The following C12orf56 variants were observed in gnomAD, a reference collection of about 807,000 sequenced individuals.
The protein encoded by C12orf56 is uncharacterized protein C12orf56.
In C12orf56, 71 loss-of-function variants were observed where a neutral mutation model predicts 69.9. The observed-to-expected ratio is 1.02, with a 90% CI of 0.84 to 1.24. The LOEUF (loss-of-function observed/expected upper bound fraction) is 1.24, where lower values mean the gene tolerates loss of function less well. Among genes scored for constraint, C12orf56 ranks in the 50% most tolerant of loss-of-function variants. The probability of loss-of-function intolerance (pLI) is 0.00; values close to 1 mark genes in which losing one functional copy is unlikely to be tolerated. For missense variants in C12orf56, 732 were observed against 738.5 expected (o/e 0.99, Z 0.10); for synonymous variants, 276 against 274.1 (o/e 1.01, Z -0.07).
chr12:64,353,713 T>G (rs572893892), intron 1 of C12orf56, among the ~76,000 whole-genome samples: 5 of 152,040 alleles, frequency 3.3e-5, no homozygotes, highest in Admixed American at 2.6e-4. Context: ...ATGGAGTCTC[T>G]CTCTGTCGCC....
At position 64,277,698 on chromosome 12, in the gene C12orf56, T is replaced by G; in HGVS notation, c.1416A>C (p.Arg472Ser). ...IQLVADSALVRMSFDAELQKL... is the reference protein window; with the variant it reads ...IQLVADSALVSMSFDAELQKL... ...ATCTCACCTCAGCGTCAAAAGACAT[T>G]CTGACTAAAGCTGAATCAGCCACCA... Residue 472 changes from arginine to serine, a missense_variant, in exon 9 of 13, where the codon AGA becomes AGC. Physicochemically the swap from Arg to Ser is moderately radical, Grantham distance 110 (BLOSUM62 -1). Coordinates refer to ENST00000543942, the MANE Select transcript of C12orf56 (RefSeq NM_001170633.2). The G allele has an allele frequency of 6.4e-7, 1 of 1,573,238 alleles. No homozygotes were observed. The highest frequency in any genetic ancestry group is 2.3e-5 in the East Asian group (1 of 43,898).
chr12:64,370,699 AG>A (rs2039559156), intron 1 of C12orf56, among the ~76,000 whole-genome samples: 6 of 152,210 alleles, frequency 3.9e-5, no homozygotes, highest in Admixed American at 3.9e-4. Flanking sequence ...AATTGAAAAC[AG>A]AAGAAAAAAA....
chr12:64,323,059 T>C (rs2038792259), intron 3 of C12orf56, among the ~76,000 whole-genome samples: 1 of 152,206 alleles, frequency 6.6e-6, no homozygotes. Context: ...AGTGTGTGAG[T>C]TAGCCTTTGT....
intron 5 of C12orf56, among the ~76,000 whole-genome samples, chr12:64,304,681 T>C (rs1044993984): frequency 3.9e-5 from 6 of 152,182 alleles, no homozygotes; most frequent in Non-Finnish European, 7.3e-5. Flanking sequence ...CTGTGCTCAG[T>C]AATAACAACT....
intron 2 of C12orf56, among the ~76,000 whole-genome samples, chr12:64,336,833 T>A (rs1453339220): frequency 6.6e-6 from 1 of 152,174 alleles, no homozygotes; most frequent in Non-Finnish European, 1.5e-5. Context: ...TGGACCTTCA[T>A]CCTTCCCTTC....
intron 1 of C12orf56, among the ~76,000 whole-genome samples, chr12:64,385,590 G>T (rs1457165555): frequency 6.6e-6 from 1 of 152,090 alleles, no homozygotes; most frequent in Non-Finnish European, 1.5e-5. Context: ...GCACCACCCA[G>T]ATCGATTAAC....
chr12:64,305,146 C>T (rs2038495084), intron 5 of C12orf56, among the ~76,000 whole-genome samples: 1 of 151,920 alleles, frequency 6.6e-6, no homozygotes, highest in African/African-American at 2.4e-5. Flanking sequence ...AAAAAATGGT[C>T]TCTTTTCTAG....
At chr12:64,363,113 C>T (rs185422968) in intron 1 of C12orf56, among the ~76,000 whole-genome samples, 4 of 152,228 alleles carry the variant, frequency 2.6e-5, no homozygotes, top group Admixed American at 1.3e-4. Flanking sequence ...CCCAGTAGGT[C>T]GCAGCCTCAT....
chr12:64,382,104 A>C (rs1034853765), intron 1 of C12orf56, among the ~76,000 whole-genome samples: 1 of 151,978 alleles, frequency 6.6e-6, no homozygotes, highest in African/African-American at 2.4e-5. Context: ...TCTACTAAAA[A>C]ATACAAAAAT....
intron 11 of C12orf56, among the ~76,000 whole-genome samples, chr12:64,273,613 A>G (rs1290712618): frequency 6.6e-6 from 1 of 152,196 alleles, no homozygotes; most frequent in Non-Finnish European, 1.5e-5. Context: ...AACCTCCCAA[A>G]ATACCAGTGC....
At position 64,318,840 on chromosome 12, in the gene C12orf56, G is replaced by T; in HGVS notation, c.629C>A (p.Thr210Lys). 1 of 1,537,250 alleles carries T rather than the reference G, an allele frequency of 6.5e-7. No homozygotes were observed. The highest frequency in any genetic ancestry group is 8.7e-7 in the Non-Finnish European group (1 of 1,146,910). ...PSRRSSQSAPTTGKAVSEPSC... is the reference protein window; with the variant it reads ...PSRRSSQSAPKTGKAVSEPSC... The stretch of plus-strand genomic sequence containing the variant: ...TGGCTCGCTGACAGCCTTGCCAGTT[G>T]TTGGTGCAGACTGAGAGCTCCTCCT... The change falls in exon 4 of 13, where the codon ACA becomes AAA. Residue 210 changes from threonine to lysine, a missense_variant. By Grantham distance (78) the Thr-to-Lys change is moderately conservative (BLOSUM62 -1). Transcript: ENST00000543942.
chr12:64,353,627 A>C (rs1433841865), intron 1 of C12orf56, among the ~76,000 whole-genome samples: 1 of 152,152 alleles, frequency 6.6e-6, no homozygotes, highest in Non-Finnish European at 1.5e-5. Context: ...ATAAACACTA[A>C]GTGTTTTGTT....
chr12:64,277,066 A>G (rs1439064930), intron 9 of C12orf56, among the ~76,000 whole-genome samples: 1 of 151,460 alleles, frequency 6.6e-6, no homozygotes, highest in Non-Finnish European at 1.5e-5. Context: ...TTCTGACCAT[A>G]TATTTAAGAA....
At chr12:64,314,240 C>A (rs186900585) in intron 4 of C12orf56, among the ~76,000 whole-genome samples, 1 of 152,062 alleles carries the variant, frequency 6.6e-6, no homozygotes, top group Non-Finnish European at 1.5e-5. Context: ...CATGTTCTAC[C>A]TTGCCAGGCC....
intron 1 of C12orf56, among the ~76,000 whole-genome samples, chr12:64,380,929 G>A (rs1201528811): frequency 6.6e-6 from 1 of 152,136 alleles, no homozygotes; most frequent in Admixed American, 6.6e-5. Context: ...TATGATATAT[G>A]TTTCAAAGAT....
At chr12:64,342,416 C>A (rs1448004321) in intron 2 of C12orf56, among the ~76,000 whole-genome samples, 2 of 152,182 alleles carry the variant, frequency 1.3e-5, no homozygotes, top group African/African-American at 4.8e-5. Flanking sequence ...GCATATCATG[C>A]AGAACCATCT....
chr12:64,360,611 G>A (rs995843758), intron 1 of C12orf56, among the ~76,000 whole-genome samples: 5 of 152,106 alleles, frequency 3.3e-5, no homozygotes, highest in East Asian at 1.9e-4. Context: ...CTCAAAGTAC[G>A]GTGAGTAAAA....
At position 64,267,010 on chromosome 12, in the gene C12orf56, A is replaced by C. The variant is rs2037925915; in HGVS notation, c.*173T>G. The C allele has an allele frequency of 1.9e-6, 1 of 528,688 alleles. No individual in the cohort carries two copies. The allele number at this position is 528,688 out of a possible 1,614,324, so 32.7% of individuals were successfully genotyped here. ...ATAATAAATCAAATTTATTTTTTAA[A>C]ATTTTAAACTTCTCATAGAGAGGTA... On this transcript the variant is annotated 3_prime_UTR_variant, in exon 13 of 13. Coordinates refer to ENST00000543942, the MANE Select transcript of C12orf56 (RefSeq NM_001170633.2).
intron 3 of C12orf56, among the ~76,000 whole-genome samples, chr12:64,325,041 G>A (rs2038820344): frequency 2.0e-5 from 3 of 152,158 alleles, no homozygotes; most frequent in African/African-American, 7.2e-5. Flanking sequence ...TCCATAGCCT[G>A]GAGTAGAGCC....
Sources: allele counts gnomAD v4.1 joint callset (sites outside exome capture counted in the v4.1 genomes callset), GRCh38; gene constraint gnomAD v4.1.1; transcripts MANE v1.5; gene names NCBI Gene and HGNC (gene_info 2026-07-23, HGNC 2026-07-21).